The following C9orf85 variants were observed in gnomAD, a reference collection of about 807,000 sequenced individuals.
C9orf85 encodes the protein uncharacterized protein C9orf85.
Under a neutral mutation model 14.9 loss-of-function variants are expected in C9orf85, and 16 were observed. The observed-to-expected ratio is 1.08, with a 90% CI of 0.73 to 1.63. C9orf85 has a LOEUF of 1.63. Among genes scored for constraint, C9orf85 ranks in the 40% most tolerant of loss-of-function variants. The probability of loss-of-function intolerance (pLI) is 0.00; values close to 1 mark genes in which losing one functional copy is unlikely to be tolerated. For synonymous variants in C9orf85, 45 were observed against 56.8 expected (o/e 0.79, Z 0.93); for missense variants, 172 against 186.1 (o/e 0.92, Z 0.44).
intron 2 of C9orf85, among the ~76,000 whole-genome samples, chr9:71,964,605 C>T (rs1023157066): frequency 1.3e-5 from 2 of 151,994 alleles, no homozygotes; most frequent in Admixed American, 6.6e-5. Flanking sequence ...GAAGAAACTC[C>T]GAGCACATCT....
chr9:71,932,700 C>A (rs932287124), intron 1 of C9orf85, among the ~76,000 whole-genome samples: 1 of 151,864 alleles, frequency 6.6e-6, no homozygotes, highest in Non-Finnish European at 1.5e-5. Flanking sequence ...TTCAAATGTT[C>A]GGTTTTCAAG....
chr9:71,975,749 T>C (rs533405034), downstream of C9orf85, among the ~76,000 whole-genome samples: 2 of 152,154 alleles, frequency 1.3e-5, no homozygotes, highest in Non-Finnish European at 2.9e-5. Context: ...GGAGAATCAC[T>C]TCAACCCAAG....
At chr9:71,957,765 A>G (rs1053951541) in intron 2 of C9orf85, among the ~76,000 whole-genome samples, 6 of 152,188 alleles carry the variant, frequency 3.9e-5, no homozygotes, top group African/African-American at 1.4e-4. Flanking sequence ...AAGATCTACT[A>G]TAAATAGCTG....
intron 2 of C9orf85, among the ~76,000 whole-genome samples, chr9:71,964,354 C>T (rs1008735264): frequency 1.3e-5 from 2 of 152,078 alleles, no homozygotes; most frequent in East Asian, 1.9e-4. Context: ...CCCTTCCACA[C>T]TGTGGAAGCT....
At chr9:71,954,166 G>A (rs1391083252) in intron 2 of C9orf85, among the ~76,000 whole-genome samples, 1 of 151,330 alleles carries the variant, frequency 6.6e-6, no homozygotes, top group Non-Finnish European at 1.5e-5. Flanking sequence ...GGGCTCCAGT[G>A]GTGATGGGTG....
chr9:71,973,558 T>C (rs1822944997), downstream of C9orf85: 1 of 152,216 alleles, frequency 6.6e-6, no homozygotes, highest in Non-Finnish European at 1.5e-5. Flanking sequence ...TTTTTATATA[T>C]TTCATCACAT....
rs767221604 is a variant in C9orf85 at position 71,973,105 on chromosome 9, A to G, written c.*263A>G. On this transcript the variant is annotated 3_prime_UTR_variant, in exon 4 of 4. Transcript: ENST00000334731. Reference sequence around the variant, plus strand: ...GATTGAAGTGAGCTGAGTTCGTGCCATTACACTCCAGCCTGGGTGACAGAG... The same window carrying G: ...GATTGAAGTGAGCTGAGTTCGTGCCGTTACACTCCAGCCTGGGTGACAGAG... 1.1e-5 allele frequency: 2 copies of G among 178,826 alleles called. No homozygotes were observed. Among genetic ancestry groups the G allele is most frequent in the Non-Finnish European group, 2.4e-5 (2 of 85,028 alleles). The allele number at this position is 178,826 out of a possible 1,614,324, so 11.1% of individuals were successfully genotyped here. A position where few individuals can be genotyped will look rare whatever the true frequency, so the allele number is the denominator to read the frequency against.
chr9:71,958,716 C>T (rs1822439790), intron 2 of C9orf85, among the ~76,000 whole-genome samples: 2 of 152,118 alleles, frequency 1.3e-5, no homozygotes, highest in Admixed American at 6.6e-5. Context: ...GTCATACCCC[C>T]TCCCCTTTCT....
chr9:71,928,709 C>T (rs977907219), intron 1 of C9orf85, among the ~76,000 whole-genome samples: 22 of 152,194 alleles, frequency 1.4e-4, no homozygotes, highest in Middle Eastern at 3.4e-3. Flanking sequence ...AACAGTACCA[C>T]TTATTTTCCT....
At chr9:71,983,613 C>T (rs1272817021), downstream of C9orf85, 1 of 152,210 alleles carries the variant, frequency 6.6e-6, no homozygotes, top group Non-Finnish European at 1.5e-5. Context: ...TGGGCACATA[C>T]TGCATCATTT....
At chr9:71,928,877 G>C (rs1450882523) in intron 1 of C9orf85, among the ~76,000 whole-genome samples, 1 of 151,984 alleles carries the variant, frequency 6.6e-6, no homozygotes, top group Non-Finnish European at 1.5e-5. Flanking sequence ...TTATATTCTT[G>C]TCATCAAAAT....
chr9:71,935,008 A>G (rs1415644823), intron 1 of C9orf85, among the ~76,000 whole-genome samples: 3 of 152,218 alleles, frequency 2.0e-5, no homozygotes, highest in Non-Finnish European at 4.4e-5. Flanking sequence ...TAAGCACACA[A>G]AAGCATGCTC....
chr9:71,977,214 TG>T (rs1271641121), downstream of C9orf85, among the ~76,000 whole-genome samples: 1 of 80,728 alleles, frequency 1.2e-5, no homozygotes, highest in Non-Finnish European at 2.4e-5. Flanking sequence ...TTTCTTTTGT[TG>T]TAAAAAAAAA....
At chr9:71,912,741 C>T (rs967466398) in intron 1 of C9orf85, among the ~76,000 whole-genome samples, 1 of 151,956 alleles carries the variant, frequency 6.6e-6, no homozygotes, top group African/African-American at 2.4e-5. Flanking sequence ...AAAAATTAGC[C>T]GACGTGGTGA....
At position 71,911,645 on chromosome 9, in the gene C9orf85, A is replaced by G. The variant is rs1288623803; in HGVS notation, c.-90A>G. ...CGTTTGTTTCTTCCGGGTCATTGAC[A>G]GAAGCGTCAATTCCTGGGAGTAGTT... is the stretch of plus-strand genomic sequence containing the variant. On this transcript the variant is annotated 5_prime_UTR_variant, in exon 1 of 4. Coordinates refer to ENST00000334731, the MANE Select transcript of C9orf85 (RefSeq NM_182505.5). 8.9e-7 allele frequency: 1 copy of G among 1,125,704 alleles called. No individual in the cohort carries two copies. The highest frequency in any genetic ancestry group is 1.5e-5 in the African/African-American group (1 of 65,342). 69.7% of individuals were successfully genotyped at this position (1,125,704 alleles called of 1,614,324 possible). A position where few individuals can be genotyped will look rare whatever the true frequency, so the allele number is the denominator to read the frequency against.
At chr9:71,950,488 C>G (rs2132315533) in intron 2 of C9orf85, among the ~76,000 whole-genome samples, 1 of 152,242 alleles carries the variant, frequency 6.6e-6, no homozygotes, top group Non-Finnish European at 1.5e-5. Context: ...CTGCCTCAGC[C>G]TCTGGAGTAG....
intron 1 of C9orf85, among the ~76,000 whole-genome samples, chr9:71,935,528 C>T (rs1828167850): frequency 6.6e-6 from 1 of 151,662 alleles, no homozygotes. Context: ...CGCAGTGGCT[C>T]ACACCTATAA....
chr9:71,935,632 CAAA>C (rs34000576), intron 1 of C9orf85, among the ~76,000 whole-genome samples: 4 of 126,268 alleles, frequency 3.2e-5, no homozygotes, highest in Admixed American at 8.1e-5. Flanking sequence ...CCCCCCGACC[CAAA>C]AAAAAAAAAA....
At chr9:71,918,952 T>C (rs1424854995) in intron 1 of C9orf85, among the ~76,000 whole-genome samples, 1 of 56,808 alleles carries the variant, frequency 1.8e-5, no homozygotes, top group South Asian at 6.0e-4. Context: ...CATGAAAAAA[T>C]TGTCTTCCAC....
Sources: gnomAD v4.1 joint callset for allele counts (sites outside exome capture counted in the v4.1 genomes callset) on GRCh38, gnomAD v4.1.1 for gene constraint, MANE v1.5 for transcripts, NCBI Gene and HGNC (gene_info 2026-07-23, HGNC 2026-07-21) for gene names.